QSOX2: variants seen among roughly 807,000 people sequenced by gnomAD.
QSOX2 encodes the protein quiescin sulfhydryl oxidase 2, also known as sulfhydryl oxidase 2.
QSOX2 carries 46 observed loss-of-function variants against 61.7 expected under a neutral mutation model. The ratio of observed to expected loss-of-function variants is 0.75; its 90% CI spans 0.59 to 0.95. The LOEUF (loss-of-function observed/expected upper bound fraction) is 0.95, where lower values mean the gene tolerates loss of function less well. Among genes scored for constraint, QSOX2 ranks in the 40% least tolerant of loss-of-function variants. The pLI, the probability that QSOX2 is intolerant of heterozygous loss-of-function variation, is 0.00. For synonymous variants in QSOX2, 383 were observed against 388.4 expected, an observed-to-expected ratio of 0.99 and a Z score of 0.16; for missense variants, 879 against 918.9, an observed-to-expected ratio of 0.96 and a Z score of 0.56.
At chr9:136,211,212 C>A in intron 11 of QSOX2, 52 bp downstream of exon 11, 1 of 1,582,982 alleles carries the variant, frequency 6.3e-7, no homozygotes, top group Non-Finnish European at 8.6e-7. Context: ...TGTCCCAGGA[C>A]CAGGGCCTCC....
At chr9:136,220,617 TCC>T (rs1831969265) in intron 6 of QSOX2, among the ~76,000 whole-genome samples, 1 of 49,448 alleles carries the variant, frequency 2.0e-5, no homozygotes, top group African/African-American at 3.9e-4. Context: ...CCTCACGCTG[TCC>T]TTCTCCTCAC....
chr9:136,219,188 G>T, intron 6 of QSOX2, 24 bp from the exon 7 acceptor site: 1 of 1,604,876 alleles, frequency 6.2e-7, no homozygotes, highest in Non-Finnish European at 8.5e-7. Context: ...GAGGGCAAAG[G>T]TGAGAAGAGC....
rs1358245874 is a variant in QSOX2 at position 136,233,332 on chromosome 9, G to A, written c.329-6458C>T. ...CATCTTGCTGAATGCCCCTGGCCAC[G>A]AAGAACTCATGAGTTCAACACCGAA... On this transcript the variant is annotated intron_variant, in intron 1 of 11. Transcript: ENST00000358701. Among the ~76,000 whole-genome samples, 3 of 152,154 alleles carry A rather than the reference G, an allele frequency of 2.0e-5. No homozygotes were observed. The East Asian group carries it at 5.8e-4, about 29-fold the overall frequency.
chr9:136,235,871 C>A (rs968000708), intron 1 of QSOX2, among the ~76,000 whole-genome samples: 1 of 152,260 alleles, frequency 6.6e-6, no homozygotes, highest in African/African-American at 2.4e-5. Flanking sequence ...TCAGCACCTG[C>A]AGGCACTTCC....
In QSOX2 at chr9:136,231,150, C is replaced by T. The variant is rs143717074; in HGVS notation, c.329-4276G>A. 4.7e-4 allele frequency among the ~76,000 whole-genome samples: 71 copies of T among 152,302 alleles called. 1 individual carries two copies. In the East Asian group the frequency reaches 0.011, roughly 23 times the overall value. On this transcript the variant is annotated intron_variant, in intron 1 of 11. Transcript: ENST00000358701. ...GGTGACAAACGCAGGATCCTACAGA[C>T]GGGGAAACTGATGCTCACAGAGGCC...
At chr9:136,214,264 C>T (rs866645622) in intron 10 of QSOX2, among the ~76,000 whole-genome samples, 4 of 152,172 alleles carry the variant, frequency 2.6e-5, no homozygotes, top group African/African-American at 4.8e-5. Flanking sequence ...AATCCAACTT[C>T]GAAGTTTTAT....
chr9:136,228,281 T>C (rs1333282880), intron 1 of QSOX2, among the ~76,000 whole-genome samples: 1 of 152,172 alleles, frequency 6.6e-6, no homozygotes, highest in African/African-American at 2.4e-5. Flanking sequence ...TTGCTCATGA[T>C]GAGCTGGGAC....
intron 1 of QSOX2, among the ~76,000 whole-genome samples, chr9:136,229,131 T>C (rs1468125656): frequency 6.6e-6 from 1 of 152,194 alleles, no homozygotes; most frequent in Non-Finnish European, 1.5e-5. Context: ...AATGACCAAA[T>C]ACCGTTCCCG....
intron 1 of QSOX2, among the ~76,000 whole-genome samples, chr9:136,229,813 C>A (rs757635583): frequency 2.0e-5 from 3 of 152,192 alleles, no homozygotes; most frequent in Non-Finnish European, 2.9e-5. Context: ...CACATCACAC[C>A]CTGCCCTCCT....
chr9:136,215,399 G>A, intron 9 of QSOX2, 95 bp from the exon 10 acceptor site: 1 of 716,446 alleles, frequency 1.4e-6, no homozygotes, highest in South Asian at 1.8e-5. Flanking sequence ...GGGGGGGGTG[G>A]ATAATGGGGG....
In QSOX2 at chr9:136,208,235, T is replaced by C. The variant is rs1439819647; in HGVS notation, c.*493A>G. 1 of 89,178 alleles carries C rather than the reference T, an allele frequency of 1.1e-5. No homozygotes were observed. Among genetic ancestry groups the C allele is most frequent in the Non-Finnish European group, 2.2e-5 (1 of 45,528 alleles). 5.5% of individuals were successfully genotyped at this position (89,178 alleles called of 1,614,324 possible). On this transcript the variant is annotated 3_prime_UTR_variant, in exon 12 of 12. Transcript: ENST00000358701. ...TCCCCGCCCGGCTAAAGGAAAACAC[T>C]TGGCAGCCTGGAGCAGGGGGCGTGG...
intron 1 of QSOX2, among the ~76,000 whole-genome samples, chr9:136,238,082 C>A (rs1172190068): frequency 6.6e-6 from 1 of 152,226 alleles, no homozygotes; most frequent in East Asian, 1.9e-4. Flanking sequence ...CAGTGAACAG[C>A]AGGATAAACA....
rs1238300086 is a variant in QSOX2 at position 136,245,787 on chromosome 9, G to A, written c.17C>T (p.Ala6Val). Residue 6 changes from alanine (A) to valine (V), a missense_variant, in exon 1 of 12, where the codon GCG (alanine) becomes GTG (valine). Coordinates refer to ENST00000358701, the MANE Select transcript of QSOX2 (RefSeq NM_181701.4). ...GATTCCCGGGCTGCGCGCCACCGCCGCCCCGGCCGCCGCCATGTTGGAAGT... is the reference window on the plus strand; with the variant it reads ...GATTCCCGGGCTGCGCGCCACCGCCACCCCGGCCGCCGCCATGTTGGAAGT... MAAAG[A>V]AVARSPGIGA... 1.8e-5 allele frequency: 21 copies of A among 1,153,784 alleles called. No homozygotes were observed. Among genetic ancestry groups the A allele is most frequent in the Middle Eastern group, 3.5e-4 (1 of 2,838 alleles). 71.5% of individuals were successfully genotyped at this position (1,153,784 alleles called of 1,614,324 possible). A position where few individuals can be genotyped will look rare whatever the true frequency, so the allele number is the denominator to read the frequency against.
rs528007785 is a variant in QSOX2 at position 136,208,314 on chromosome 9, G to C, written c.*414C>G. 531 of 149,492 alleles carry C rather than the reference G, an allele frequency of 3.6e-3. 7 individuals are homozygous for C. Among genetic ancestry groups the C allele is most frequent in the Non-Finnish European group, 6.1e-3 (420 of 68,612 alleles). The allele number at this position is 149,492 out of a possible 1,614,324, so 9.3% of individuals were successfully genotyped here. On this transcript the variant is annotated 3_prime_UTR_variant, in exon 12 of 12. Coordinates refer to ENST00000358701, the MANE Select transcript of QSOX2 (RefSeq NM_181701.4). ...AGTGGGGGGGAGCCAGGAGCCGCGGGGGGGATGGGCGAGGTTCTCCAAATA... is the reference window on the plus strand; with the variant it reads ...AGTGGGGGGGAGCCAGGAGCCGCGGCGGGGATGGGCGAGGTTCTCCAAATA...
intron 1 of QSOX2, among the ~76,000 whole-genome samples, chr9:136,243,103 A>G (rs1830445882): frequency 6.6e-6 from 1 of 152,216 alleles, no homozygotes; most frequent in Non-Finnish European, 1.5e-5. Flanking sequence ...CAGCAACGAC[A>G]CCAAACTCCA....
chr9:136,210,438 G>A (rs1831831083), intron 11 of QSOX2: 8 of 985,424 alleles, frequency 8.1e-6, no homozygotes, highest in Non-Finnish European at 9.6e-6. Flanking sequence ...GCCTGGCGAG[G>A]GTCCTGGTCC....
intron 1 of QSOX2, among the ~76,000 whole-genome samples, chr9:136,231,334 C>A (rs1830328075): frequency 6.6e-6 from 1 of 152,270 alleles, no homozygotes; most frequent in Non-Finnish European, 1.5e-5. Context: ...AGGTGACATG[C>A]TGCAGCCCAA....
intron 2 of QSOX2, among the ~76,000 whole-genome samples, chr9:136,225,132 C>T (rs1055424317): frequency 3.3e-5 from 5 of 152,180 alleles, no homozygotes; most frequent in African/African-American, 4.8e-5. Context: ...TCAGCATTCC[C>T]ATCATTTACA....
chr9:136,218,993 C>T, intron 7 of QSOX2, 37 bp downstream of exon 7: 2 of 1,610,672 alleles, frequency 1.2e-6, no homozygotes, highest in South Asian at 1.1e-5. Context: ...TCTACACGCA[C>T]TGTCTCCGGG....
Sources: allele counts gnomAD v4.1 joint callset (sites outside exome capture counted in the v4.1 genomes callset), GRCh38; gene constraint gnomAD v4.1.1; transcripts MANE v1.5; gene names NCBI Gene and HGNC (gene_info 2026-07-23, HGNC 2026-07-21).